The following SH3BGR variants were observed in gnomAD, a reference collection of about 807,000 sequenced individuals.
SH3BGR encodes the protein SH3 domain-binding glutamic acid-rich protein.
SH3BGR carries 29 observed loss-of-function variants against 24.5 expected under a neutral mutation model. The ratio of observed to expected loss-of-function variants is 1.18; its 90% CI spans 0.88 to 1.61. SH3BGR has a LOEUF of 1.61. SH3BGR is among the 40% of genes most tolerant of loss of function. The probability of loss-of-function intolerance (pLI) is 0.00; values close to 1 mark genes in which losing one functional copy is unlikely to be tolerated. For missense variants in SH3BGR, 162 were observed against 205.8 expected (o/e 0.79, Z 1.30); for synonymous variants, 55 against 65.7 (o/e 0.84, Z 0.79).
intron 3 of SH3BGR, among the ~76,000 whole-genome samples, chr21:39,479,289 GTAGTGGTAATGGTCATGGTGGTGA>G (rs2078087592): frequency 1.3e-5 from 2 of 150,576 alleles, no homozygotes; most frequent in African/African-American, 2.5e-5. Flanking sequence ...AGTGATGGTG[GTAGTGGTAATGGTCATGGTGGTGA>G]TGGTGGTGGT....
Position 39,474,167 on chromosome 21 carries a change from C to G in SH3BGR, c.232-968C>G, listed in dbSNP as rs546029888. On this transcript the variant is annotated intron_variant, in intron 2 of 6. Coordinates refer to ENST00000333634, the MANE Select transcript of SH3BGR (RefSeq NM_007341.3). ...ATTTTTTGTAGAGACAGGGTCTCACCATGTTGCCCAGGCTAGTCTTGAACT... is the reference window on the plus strand; with the variant it reads ...ATTTTTTGTAGAGACAGGGTCTCACGATGTTGCCCAGGCTAGTCTTGAACT... Among the ~76,000 whole-genome samples, 9 of 152,200 alleles carry G rather than the reference C, an allele frequency of 5.9e-5. No individual in the cohort carries two copies. The South Asian group carries it at 1.2e-3, about 21-fold the overall frequency.
Position 39,458,015 on chromosome 21 carries a change from G to T in SH3BGR, c.46-4360G>T, listed in dbSNP as rs138042135. 1.8e-3 allele frequency among the ~76,000 whole-genome samples: 279 copies of T among 152,270 alleles called. 2 individuals carry two copies. Among genetic ancestry groups the T allele is most frequent in the African/African-American group, 6.2e-3 (259 of 41,562 alleles). On this transcript the variant is annotated intron_variant, in intron 1 of 6. Coordinates refer to ENST00000333634, the MANE Select transcript of SH3BGR (RefSeq NM_007341.3). ...ACCCTATACATGAGTCATTAAATTT[G>T]TCAAAAGTGAATAAAATAGATATTT...
upstream of SH3BGR, among the ~76,000 whole-genome samples, chr21:39,447,364 A>G (rs1186664705): frequency 2.0e-5 from 3 of 150,584 alleles, no homozygotes; most frequent in Non-Finnish European, 2.9e-5. Context: ...GTCTGTAGAC[A>G]TGATAAGTCA....
rs2078759255 is a variant in SH3BGR, at chr21:39,515,092, T to G, written c.*39T>G. On this transcript the variant is annotated 3_prime_UTR_variant, in exon 7 of 7. Transcript: ENST00000333634. ...AATATTTGCCTTTTCTTTTAGAAAA[T>G]GGAAGCTATGAAGCAACATTTCAAA... The G allele has an allele frequency of 2.1e-6, 1 of 469,878 alleles. No homozygotes were observed. Among genetic ancestry groups the G allele is most frequent in the Non-Finnish European group, 4.4e-6 (1 of 226,552 alleles). 29.1% of individuals were successfully genotyped at this position (469,878 alleles called of 1,614,324 possible). A position where few individuals can be genotyped will look rare whatever the true frequency, so the allele number is the denominator to read the frequency against.
At chr21:39,477,473 G>T (rs2078046164) in intron 3 of SH3BGR, among the ~76,000 whole-genome samples, 1 of 151,874 alleles carries the variant, frequency 6.6e-6, no homozygotes, top group African/African-American at 2.4e-5. Flanking sequence ...TTGAACCTGG[G>T]GTTGCTCATT....
chr21:39,511,549 GTGTT>G lies in SH3BGR; in HGVS notation c.436-123_436-120del, dbSNP rs960990472. 1.4e-4 allele frequency: 105 copies of G among 736,890 alleles called. 1 individual carries two copies. The highest frequency in any genetic ancestry group is 9.0e-4 in the Admixed American group (33 of 36,766). 45.6% of individuals were successfully genotyped at this position (736,890 alleles called of 1,614,324 possible). A position where few individuals can be genotyped will look rare whatever the true frequency, so the allele number is the denominator to read the frequency against. ...TGGTGTGTGTATTTGTGTGTTGTGT[GTGTT>G]TGTTTGTGTGTTGTGTGGTGGGGTG... On this transcript the variant is annotated intron_variant, in intron 5 of 6. Transcript: ENST00000333634. This position sits in a 1 kb window ranked among gnomAD's most constrained non-coding sequence, Gnocchi z 4.2.
At chr21:39,483,720 G>T (rs1476931149) in intron 3 of SH3BGR, among the ~76,000 whole-genome samples, 2 of 152,280 alleles carry the variant, frequency 1.3e-5, no homozygotes, top group Admixed American at 1.3e-4. Flanking sequence ...TACATGCTGG[G>T]CCAGACACTG....
rs2077832017 is a variant in SH3BGR at position 39,465,800 on chromosome 21, C to T, written c.231+3240C>T. Among the ~76,000 whole-genome samples the T allele has an allele frequency of 2.0e-5, 3 of 152,170 alleles. No homozygotes were observed. The South Asian group carries it at 6.2e-4, about 32-fold the overall frequency. On this transcript the variant is annotated intron_variant, in intron 2 of 6. Transcript: ENST00000333634. ...AGAGATAGGGTCTCACTGTATTTCC[C>T]AGGCTGGTCTCACACTCCTGGCTTC...
intron 3 of SH3BGR, among the ~76,000 whole-genome samples, chr21:39,492,528 A>G (rs1024487585): frequency 1.3e-5 from 2 of 149,762 alleles, no homozygotes; most frequent in Non-Finnish European, 3.0e-5. Flanking sequence ...TTGTTGATTG[A>G]TGGGCTTTTG....
intron 2 of SH3BGR, among the ~76,000 whole-genome samples, chr21:39,465,106 G>C (rs1371952257): frequency 2.6e-5 from 4 of 152,038 alleles, no homozygotes; most frequent in African/African-American, 9.7e-5. Flanking sequence ...GGGTCTCACT[G>C]TGTTGCCCAG....
chr21:39,514,040 T>C (rs932133969), intron 6 of SH3BGR, among the ~76,000 whole-genome samples: 1 of 152,186 alleles, frequency 6.6e-6, no homozygotes, highest in Admixed American at 6.5e-5. Context: ...CTCTGATGGG[T>C]TCTAGTTTGG....
At chr21:39,495,482 C>CTTTTT (rs543877521) in intron 3 of SH3BGR, among the ~76,000 whole-genome samples, 1 of 140,174 alleles carries the variant, frequency 7.1e-6, no homozygotes. Flanking sequence ...GTAAAAGTCT[C>CTTTTT]TTTTTTTTTT....
intron 3 of SH3BGR, among the ~76,000 whole-genome samples, chr21:39,491,253 G>A (rs969368972): frequency 5.3e-5 from 8 of 151,826 alleles, no homozygotes; most frequent in African/African-American, 1.9e-4. Context: ...AAGTACAAGC[G>A]ATTCTCCTGC....
intron 4 of SH3BGR, among the ~76,000 whole-genome samples, chr21:39,503,775 A>T (rs1480948006): frequency 6.6e-6 from 1 of 152,200 alleles, no homozygotes; most frequent in Non-Finnish European, 1.5e-5. Flanking sequence ...AGATGCCAAG[A>T]TGTAAATTCT....
At chr21:39,449,501 C>A (rs949252549), upstream of SH3BGR, among the ~76,000 whole-genome samples, 1 of 152,146 alleles carries the variant, frequency 6.6e-6, no homozygotes, top group Non-Finnish European at 1.5e-5. Context: ...TTTTAAGATG[C>A]ATTTGGAATG....
intron 4 of SH3BGR, among the ~76,000 whole-genome samples, chr21:39,502,650 A>G (rs2078515636): frequency 6.6e-6 from 1 of 152,166 alleles, no homozygotes; most frequent in Non-Finnish European, 1.5e-5. Flanking sequence ...GGTGTTTTGA[A>G]GACCCTGTCC....
Position 39,462,497 on chromosome 21 carries a change from G to GA in SH3BGR, c.174dup (p.Pro59ThrfsTer14), listed in dbSNP as rs776120776. ...GGATGAGAGAGAATGTTCCTGGAGA[G>GA]AAAAAACCTCAAAATGGGATTCCTT... is the stretch of plus-strand genomic sequence containing the variant. On this transcript the variant is annotated frameshift_variant, in exon 2 of 7. Transcript: ENST00000333634. LOFTEE classifies it high-confidence loss of function. 271 of 1,608,356 alleles carry GA rather than the reference G, an allele frequency of 1.7e-4. No homozygotes were observed. Among genetic ancestry groups the GA allele is most frequent in the Middle Eastern group, 5.0e-4 (3 of 6,060 alleles).
rs146088144 is a variant in SH3BGR at position 39,506,182 on chromosome 21, C to G, written c.406-2816C>G. ...AAAAATGAATAAGACACAGGTTATG[C>G]CCCCAAACACACAGACTAGTGAGGG... On this transcript the variant is annotated intron_variant, in intron 4 of 6. Coordinates refer to ENST00000333634, the MANE Select transcript of SH3BGR (RefSeq NM_007341.3). 3.0e-3 allele frequency among the ~76,000 whole-genome samples: 456 copies of G among 152,280 alleles called. 1 individual carries two copies. The highest frequency in any genetic ancestry group is 0.01 in the African/African-American group (436 of 41,556).
At chr21:39,493,027 A>G (rs1326542734) in intron 3 of SH3BGR, among the ~76,000 whole-genome samples, 2 of 152,158 alleles carry the variant, frequency 1.3e-5, no homozygotes, top group Admixed American at 1.3e-4. Context: ...GTCCTTTGTC[A>G]GGTACATAGA....
Sources: gnomAD v4.1 joint callset for allele counts (sites outside exome capture counted in the v4.1 genomes callset) on GRCh38, gnomAD v4.1.1 for gene constraint, Gnocchi (gnomAD v3.1) non-coding constraint, MANE v1.5 for transcripts, NCBI Gene and HGNC (gene_info 2026-07-23, HGNC 2026-07-21) for gene names.